Variants in ASIC2 observed in about 807,000 individuals in gnomAD.
ASIC2 encodes acid sensing ion channel subunit 2.
A neutral mutation model predicts 57.3 loss-of-function variants in ASIC2; 25 were observed. The observed-to-expected ratio is 0.44, with a 90% CI of 0.32 to 0.61. The LOEUF (loss-of-function observed/expected upper bound fraction) is 0.61. Ranked by LOEUF, ASIC2 falls within the 20% of genes least tolerant of loss-of-function variation. The pLI is 0.06. For synonymous variants in ASIC2, 319 were observed against 307.5 expected, an observed-to-expected ratio of 1.04 and a Z score of -0.39; for missense variants, 641 against 738.1, an observed-to-expected ratio of 0.87 and a Z score of 1.52.
intron 1 of ASIC2, among the ~76,000 whole-genome samples, chr17:33,557,507 T>C (rs985755197): frequency 6.6e-6 from 1 of 152,230 alleles, no homozygotes; most frequent in Non-Finnish European, 1.5e-5. Flanking sequence ...AATAATAGGA[T>C]AATTGCAAGC....
intron 1 of ASIC2, among the ~76,000 whole-genome samples, chr17:33,775,885 C>T (rs925076612): frequency 6.6e-6 from 1 of 152,124 alleles, no homozygotes; most frequent in African/African-American, 2.4e-5. Context: ...GTAATCCCAG[C>T]ACTTTGGGAG....
chr17:33,238,746 CTT>C (rs927672811), intron 1 of ASIC2, among the ~76,000 whole-genome samples: 27 of 152,170 alleles, frequency 1.8e-4, no homozygotes, highest in African/African-American at 6.0e-4. Context: ...TTATTAAAGT[CTT>C]TGCTCGGCCG....
intron 1 of ASIC2, among the ~76,000 whole-genome samples, chr17:33,202,199 A>T (rs1246777250): frequency 6.6e-6 from 1 of 152,164 alleles, no homozygotes; most frequent in African/African-American, 2.4e-5. Flanking sequence ...CAGGTGGCAC[A>T]AACACCAACG....
At chr17:33,905,106 C>T (rs1981145) in intron 1 of ASIC2, among the ~76,000 whole-genome samples, 17,615 of 147,064 alleles carry the variant, frequency 0.12, 2,156 homozygotes, top group African/African-American at 0.31. Context: ...GTAGTTCCTG[C>T]AGTAGACAAT....
intron 1 of ASIC2, among the ~76,000 whole-genome samples, chr17:34,060,798 A>G (rs1417222551): frequency 6.6e-6 from 1 of 152,172 alleles, no homozygotes; most frequent in Non-Finnish European, 1.5e-5. Context: ...AACAAAGACA[A>G]AGAGAAAAGA....
intron 1 of ASIC2, among the ~76,000 whole-genome samples, chr17:33,862,112 C>A (rs12451209): frequency 0.29 from 43,375 of 152,114 alleles, 6,877 homozygotes; most frequent in East Asian, 0.61. Context: ...TTCCTGTATT[C>A]TCTGCCTTGC....
intron 1 of ASIC2, among the ~76,000 whole-genome samples, chr17:33,611,440 A>T (rs1423388539): frequency 3.3e-5 from 5 of 152,196 alleles, no homozygotes. Context: ...ATAGGGCCCC[A>T]TATCCGTCAG....
intron 1 of ASIC2, among the ~76,000 whole-genome samples, chr17:33,341,369 G>C (rs566431166): frequency 6.6e-6 from 1 of 152,158 alleles, no homozygotes; most frequent in African/African-American, 2.4e-5. Flanking sequence ...TCCAATCCAA[G>C]CCACTTTGGA....
intron 1 of ASIC2, among the ~76,000 whole-genome samples, chr17:34,106,557 T>C (rs1911065373): frequency 2.6e-5 from 4 of 152,142 alleles, no homozygotes; most frequent in Admixed American, 2.6e-4. Flanking sequence ...TATCTATCCA[T>C]CTATCTAATC....
intron 1 of ASIC2, among the ~76,000 whole-genome samples, chr17:33,734,765 G>A (rs1272932224): frequency 6.6e-6 from 1 of 152,118 alleles, no homozygotes; most frequent in Non-Finnish European, 1.5e-5. Flanking sequence ...GACCATTTGA[G>A]GGCACAGTGA....
intron 1 of ASIC2, among the ~76,000 whole-genome samples, chr17:33,844,057 C>A (rs1006545111): frequency 6.6e-6 from 1 of 152,080 alleles, no homozygotes. Context: ...CACAAAGATG[C>A]AATCTTCATA....
chr17:33,079,554 G>T (rs1258344351), intron 3 of ASIC2, among the ~76,000 whole-genome samples: 2 of 152,132 alleles, frequency 1.3e-5, no homozygotes, highest in Non-Finnish European at 2.9e-5. Flanking sequence ...GTTCATGAGG[G>T]AGGGAGATGA....
intron 1 of ASIC2, among the ~76,000 whole-genome samples, chr17:33,614,710 T>TG (rs1905537882): frequency 6.6e-6 from 1 of 152,234 alleles, no homozygotes; most frequent in South Asian, 2.1e-4. Context: ...TGTCACACAC[T>TG]GGTGTATAGG....
chr17:34,131,905 A>C (rs929801519), intron 1 of ASIC2, among the ~76,000 whole-genome samples: 2 of 152,118 alleles, frequency 1.3e-5, no homozygotes, highest in Admixed American at 6.5e-5. Flanking sequence ...TAGCTTCTCC[A>C]TTCTTCTCTG....
intron 1 of ASIC2, among the ~76,000 whole-genome samples, chr17:33,452,505 G>A (rs189869449): frequency 1.8e-3 from 267 of 152,298 alleles, no homozygotes; most frequent in African/African-American, 6.0e-3. Flanking sequence ...CCTCAGTCTT[G>A]CCTTTGAGTA....
At chr17:33,307,276 C>CT (rs1906219258) in intron 1 of ASIC2, among the ~76,000 whole-genome samples, 8 of 147,582 alleles carry the variant, frequency 5.4e-5, no homozygotes, top group African/African-American at 7.6e-5. Flanking sequence ...TCCTCCTCTT[C>CT]CTTCTTCTTC....
chr17:33,516,018 T>TA (rs200666483), intron 1 of ASIC2, among the ~76,000 whole-genome samples: 1,907 of 151,676 alleles, frequency 0.013, 41 homozygotes, highest in African/African-American at 0.044. Context: ...AGTAGGAGGG[T>TA]AGCTTGAGTT....
chr17:33,782,840 A>G (rs1481616218), intron 1 of ASIC2, among the ~76,000 whole-genome samples: 1 of 152,154 alleles, frequency 6.6e-6, no homozygotes, highest in Non-Finnish European at 1.5e-5. Context: ...AAACAAGCCT[A>G]TTCTCAGGCT....
At chr17:33,587,827 T>G (rs964536509) in intron 1 of ASIC2, among the ~76,000 whole-genome samples, 7 of 152,218 alleles carry the variant, frequency 4.6e-5, no homozygotes, top group Admixed American at 1.3e-4. Flanking sequence ...TTTTTTCCTT[T>G]TCTAGCTTTC....
Sources: gnomAD v4.1 joint callset for allele counts (sites outside exome capture counted in the v4.1 genomes callset) on GRCh38, gnomAD v4.1.1 for gene constraint, MANE v1.5 for transcripts, NCBI Gene and HGNC (gene_info 2026-07-23, HGNC 2026-07-21) for gene names.